The following EXT1 variants were observed in gnomAD, a reference collection of about 807,000 sequenced individuals.
EXT1 encodes exostosin-1.
In EXT1, 20 loss-of-function variants were observed where a neutral mutation model predicts 82.5. The observed-to-expected ratio is 0.24, with a 90% CI of 0.17 to 0.35. The LOEUF (loss-of-function observed/expected upper bound fraction) is 0.35. Ranked by LOEUF, EXT1 falls within the 10% of genes least tolerant of loss-of-function variation. The pLI, the probability that EXT1 is intolerant of heterozygous loss-of-function variation, is 1.00. For missense variants in EXT1, 757 were observed against 936.5 expected (o/e 0.81, Z 2.50); for synonymous variants, 348 against 350.8 (o/e 0.99, Z 0.09).
rs1327653846 is a variant in EXT1 at position 117,799,190 on chromosome 8, T to C, written c.*522A>G. ...GGAAAACAATTTGCACTGGCAAAGT[T>C]GAATAATGAAGTTACAACTTATGCT... On this transcript the variant is annotated 3_prime_UTR_variant, in exon 11 of 11. Transcript: ENST00000378204. 1 of 161,442 alleles carries C rather than the reference T, an allele frequency of 6.2e-6. No individual in the cohort carries two copies. The highest frequency in any genetic ancestry group is 1.4e-5 in the Non-Finnish European group (1 of 73,534). 10.0% of individuals were successfully genotyped at this position (161,442 alleles called of 1,614,324 possible). A position where few individuals can be genotyped will look rare whatever the true frequency, so the allele number is the denominator to read the frequency against.
intron 4 of EXT1, among the ~76,000 whole-genome samples, chr8:117,825,227 T>C (rs183444752): frequency 6.6e-6 from 1 of 152,306 alleles, no homozygotes; most frequent in Admixed American, 6.5e-5. Flanking sequence ...AGGCTATTCA[T>C]TAGTATTGCC....
rs190921892 is a variant in EXT1, at chr8:117,891,967, C to T, written c.963-54766G>A. Among the ~76,000 whole-genome samples the T allele has an allele frequency of 2.1e-3, 319 of 152,090 alleles. 4 individuals carry two copies. The highest frequency in any genetic ancestry group is 7.4e-3 in the African/African-American group (308 of 41,510). ...GATTACAGGCACAGGCTACCACACC[C>T]GGCTAATTTTTGTATTTTTAGTAGA... On this transcript the variant is annotated intron_variant, in intron 1 of 10. Transcript: ENST00000378204.
intron 1 of EXT1, among the ~76,000 whole-genome samples, chr8:117,870,850 A>ACACACACACACACACACACACACACAC (rs1563586222): frequency 1.1e-5 from 1 of 89,672 alleles, no homozygotes; most frequent in African/African-American, 9.7e-5. Context: ...CACACACACA[A>ACACACACACACACACACACACACACAC]AAGATTGAAG....
At chr8:118,087,129 T>A (rs544956726) in intron 1 of EXT1, among the ~76,000 whole-genome samples, 2 of 152,306 alleles carry the variant, frequency 1.3e-5, no homozygotes, top group Non-Finnish European at 2.9e-5. Flanking sequence ...AAAACAGTCT[T>A]GGGAACAGGA....
At chr8:118,090,732 T>C (rs1258196342) in intron 1 of EXT1, among the ~76,000 whole-genome samples, 2 of 118,092 alleles carry the variant, frequency 1.7e-5, no homozygotes, top group South Asian at 2.8e-4. Flanking sequence ...TGGGCCAAGA[T>C]AGGGCCACTG....
intron 1 of EXT1, among the ~76,000 whole-genome samples, chr8:117,841,464 C>T (rs574850469): frequency 1.3e-5 from 2 of 152,208 alleles, no homozygotes; most frequent in Admixed American, 1.3e-4. Flanking sequence ...TTAAGATGGA[C>T]TAATTCTCCC....
At chr8:117,912,213 T>C (rs1184958373) in intron 1 of EXT1, among the ~76,000 whole-genome samples, 2 of 152,212 alleles carry the variant, frequency 1.3e-5, no homozygotes, top group Non-Finnish European at 2.9e-5. Flanking sequence ...TTCTGTCCTA[T>C]AGCAGAGTAT....
chr8:117,944,704 A>C (rs965148507), intron 1 of EXT1, among the ~76,000 whole-genome samples: 1 of 152,224 alleles, frequency 6.6e-6, no homozygotes, highest in African/African-American at 2.4e-5. Context: ...AGAAGAATAC[A>C]CATATTAAAA....
intron 1 of EXT1, among the ~76,000 whole-genome samples, chr8:117,984,758 A>C (rs1815280647): frequency 6.6e-6 from 1 of 152,204 alleles, no homozygotes; most frequent in Non-Finnish European, 1.5e-5. Flanking sequence ...AACTAGAGGA[A>C]GGAGTGGAGG....
At chr8:118,008,500 C>T (rs764011978) in intron 1 of EXT1, among the ~76,000 whole-genome samples, 10 of 152,142 alleles carry the variant, frequency 6.6e-5, no homozygotes, top group Admixed American at 1.3e-4. Context: ...GATCCACCCG[C>T]CTCAGCCTCC....
intron 1 of EXT1, among the ~76,000 whole-genome samples, chr8:118,000,760 C>G (rs1459647703): frequency 6.6e-6 from 1 of 152,064 alleles, no homozygotes; most frequent in Non-Finnish European, 1.5e-5. Flanking sequence ...AAATAGAGCA[C>G]CTGGCAAATC....
At chr8:118,073,484 G>C (rs914394738) in intron 1 of EXT1, among the ~76,000 whole-genome samples, 2 of 152,176 alleles carry the variant, frequency 1.3e-5, no homozygotes, top group African/African-American at 4.8e-5. Context: ...AGCTGGGCAT[G>C]ATGGCACGTG....
At chr8:117,963,560 A>T (rs981438506) in intron 1 of EXT1, among the ~76,000 whole-genome samples, 1 of 151,972 alleles carries the variant, frequency 6.6e-6, no homozygotes, top group Admixed American at 6.6e-5. Context: ...CCAGGATCTC[A>T]ACTCACTGCA....
intron 1 of EXT1, among the ~76,000 whole-genome samples, chr8:117,942,709 C>A (rs1408149090): frequency 6.6e-6 from 1 of 151,904 alleles, no homozygotes; most frequent in African/African-American, 2.4e-5. Context: ...GAAATTCGGT[C>A]TCCAAAAAAC....
intron 10 of EXT1, among the ~76,000 whole-genome samples, chr8:117,800,316 A>C (rs1428139210): frequency 3.3e-5 from 5 of 152,222 alleles, no homozygotes; most frequent in African/African-American, 1.2e-4. Flanking sequence ...GTTGATTTAG[A>C]AATACCCACC....
intron 1 of EXT1, among the ~76,000 whole-genome samples, chr8:117,915,310 A>C (rs1363888655): frequency 1.3e-5 from 2 of 152,074 alleles, no homozygotes; most frequent in Non-Finnish European, 2.9e-5. Context: ...ATAATTCTGC[A>C]TAGAATGTTC....
chr8:117,837,163 C>T lies in EXT1; in HGVS notation c.1001G>A (p.Cys334Tyr), dbSNP rs538199953. 1 of 1,614,028 alleles carries T rather than the reference C, an allele frequency of 6.2e-7. No homozygotes were observed. Among genetic ancestry groups the T allele is most frequent in the Admixed American group, 1.7e-5 (1 of 60,022 alleles). ...YREMLHNATFCLVPRGRRLGS... is the reference protein window; with the variant it reads ...YREMLHNATFYLVPRGRRLGS... The stretch of plus-strand genomic sequence containing the variant: ...AAGCCTGCGACCACGAGGAACCAGA[C>T]AGAAAGTGGCATTGTGCAGCATTTC... The change falls in exon 2 of 11, where the codon TGT (cysteine) becomes TAT (tyrosine). Residue 334 changes from cysteine to tyrosine, a missense_variant. Transcript: ENST00000378204.
intron 1 of EXT1, among the ~76,000 whole-genome samples, chr8:118,063,887 G>A (rs1384577723): frequency 2.1e-5 from 3 of 146,212 alleles, no homozygotes; most frequent in Non-Finnish European, 4.4e-5. Flanking sequence ...TATTTATTGA[G>A]ACGGAGTCTC....
At chr8:117,994,986 T>C (rs998218420) in intron 1 of EXT1, among the ~76,000 whole-genome samples, 1 of 152,200 alleles carries the variant, frequency 6.6e-6, no homozygotes. Flanking sequence ...AAAAATGCTA[T>C]ATAGAAGATA....
Sources: gnomAD v4.1 joint callset for allele counts (sites outside exome capture counted in the v4.1 genomes callset) on GRCh38, gnomAD v4.1.1 for gene constraint, MANE v1.5 for transcripts, NCBI Gene and HGNC (gene_info 2026-07-23, HGNC 2026-07-21) for gene names.